Variants in TRIO observed in about 807,000 individuals in gnomAD.
TRIO encodes triple functional domain protein.
A neutral mutation model predicts 351.9 loss-of-function variants in TRIO; 58 were observed. The observed-to-expected ratio is 0.16, with a 90% confidence interval of 0.13 to 0.21. The LOEUF (loss-of-function observed/expected upper bound fraction) is 0.21. Ranked by LOEUF, TRIO falls within the 10% of genes least tolerant of loss-of-function variation. The pLI is 1.00. For missense variants in TRIO, 3,201 were observed against 4,027.8 expected (o/e 0.79, Z 5.56); for synonymous variants, 1,758 against 1,595.7 (o/e 1.10, Z -2.42).
chr5:14,267,544 G>A (rs1795754551), intron 1 of TRIO, among the ~76,000 whole-genome samples: 1 of 152,190 alleles, frequency 6.6e-6, no homozygotes. Flanking sequence ...TCTAGAATCT[G>A]TGGAATAGCA....
At position 14,487,981 on chromosome 5, in the gene TRIO, C is replaced by CG. The variant is rs1372405222; in HGVS notation, c.7357dup (p.Ala2453GlyfsTer72). The CG allele has an allele frequency of 6.4e-7, 1 of 1,556,372 alleles. No individual in the cohort carries two copies. Among genetic ancestry groups the CG allele is most frequent in the South Asian group, 1.2e-5 (1 of 84,622 alleles). On this transcript the variant is annotated frameshift_variant, in exon 48 of 57. Transcript: ENST00000344204. LOFTEE classifies it high-confidence loss of function. Reference sequence around the variant, plus strand: ...CCCTGCCGCTTGGGAAGCCCCGGGCCGGGGCCGCTTCGCCGCTGAACTCGC... The same window carrying CG: ...CCCTGCCGCTTGGGAAGCCCCGGGCCGGGGGCCGCTTCGCCGCTGAACTCGC...
intron 1 of TRIO, among the ~76,000 whole-genome samples, chr5:14,205,826 A>G (rs576348522): frequency 6.0e-5 from 9 of 150,918 alleles, no homozygotes; most frequent in African/African-American, 2.2e-4. Context: ...TCTGCCTCCT[A>G]TGTTTAAGCG....
chr5:14,462,931 G>A lies in TRIO; in HGVS notation c.5667+6G>A. 1.3e-6 allele frequency: 2 copies of A among 1,577,276 alleles called. No individual in the cohort carries two copies. The highest frequency in any genetic ancestry group is 1.7e-6 in the Non-Finnish European group (2 of 1,163,104). ...CAGACTCACAGGATGACAAGGTAAAGGGGGATGAGGGCTGGGGAATCCATG... is the reference window on the plus strand; with the variant it reads ...CAGACTCACAGGATGACAAGGTAAAAGGGGATGAGGGCTGGGGAATCCATG... On this transcript the variant is annotated splice_donor_region_variant and intron_variant, in intron 36 of 56. Transcript: ENST00000344204.
Position 14,181,067 on chromosome 5 carries a change from T to G in TRIO, c.157+37185T>G, listed in dbSNP as rs557077262. On this transcript the variant is annotated intron_variant, in intron 1 of 56. Coordinates refer to ENST00000344204, the MANE Select transcript of TRIO (RefSeq NM_007118.4). Reference sequence around the variant, plus strand: ...TTCCATTATATGGATTATAAAAAAATAACAATGGAATACTACAATGTATTT... The same window carrying G: ...TTCCATTATATGGATTATAAAAAAAGAACAATGGAATACTACAATGTATTT... Among the ~76,000 whole-genome samples, 4 of 143,984 alleles carry G rather than the reference T, an allele frequency of 2.8e-5. No individual in the cohort carries two copies. In the East Asian group the frequency reaches 8.3e-4, roughly 30 times the overall value. 94.5% of individuals were successfully genotyped at this position (143,984 alleles called of 152,430 possible).
intron 6 of TRIO, among the ~76,000 whole-genome samples, chr5:14,296,648 G>A (rs192436284): frequency 1.8e-3 from 280 of 152,324 alleles, no homozygotes; most frequent in African/African-American, 6.1e-3. Flanking sequence ...TGCTAGGTAC[G>A]TGTTTTTGGG....
At chr5:14,371,279 T>C (rs1169896666) in intron 18 of TRIO, among the ~76,000 whole-genome samples, 1 of 152,240 alleles carries the variant, frequency 6.6e-6, no homozygotes, top group Non-Finnish European at 1.5e-5. Context: ...AAGGAGCATC[T>C]GTAATCACAA....
chr5:14,489,902 C>T (rs922091219), intron 48 of TRIO, among the ~76,000 whole-genome samples: 1 of 152,164 alleles, frequency 6.6e-6, no homozygotes, highest in Non-Finnish European at 1.5e-5. Flanking sequence ...ACTTGCTGAA[C>T]AGGATTTCAG....
At chr5:14,443,833 ATCT>A (rs1429121245) in intron 34 of TRIO, among the ~76,000 whole-genome samples, 1 of 152,262 alleles carries the variant, frequency 6.6e-6, no homozygotes, top group African/African-American at 2.4e-5. Flanking sequence ...AGAACTGTAA[ATCT>A]TCTTTTATGA....
intron 1 of TRIO, 124 bp from the exon 2 acceptor site, chr5:14,270,701 A>G: frequency 2.8e-6 from 2 of 721,734 alleles, no homozygotes; most frequent in East Asian, 5.3e-5. Context: ...TGCTATGATC[A>G]TGTTTCTTAA....
At chr5:14,401,802 G>A (rs889148712) in intron 31 of TRIO, among the ~76,000 whole-genome samples, 6 of 152,172 alleles carry the variant, frequency 3.9e-5, no homozygotes, top group South Asian at 2.1e-4. Context: ...TGCCATCAGC[G>A]GCTTTGGGAT....
rs1757028585 is a variant in TRIO at position 14,498,248 on chromosome 5, A to G, written c.8207A>G (p.Tyr2736Cys). Residue 2736 changes from tyrosine to cysteine, a missense_variant, in exon 52 of 57, where the codon TAC (tyrosine) becomes TGC (cysteine). By Grantham distance (194) the Tyr-to-Cys change is radical. Coordinates refer to ENST00000344204, the MANE Select transcript of TRIO (RefSeq NM_007118.4). ...AACGATGGTCACTACAGCATCTCCT[A>G]CAGGTGAGGGAGGCCCACTCCTGGT... ...LNNDGHYSISYSDLGEATLKI... is the reference protein window; with the variant it reads ...LNNDGHYSISCSDLGEATLKI... 4.3e-6 allele frequency: 7 copies of G among 1,613,804 alleles called. No homozygotes were observed. Among genetic ancestry groups the G allele is most frequent in the African/African-American group, 1.3e-5 (1 of 74,910 alleles).
chr5:14,326,155 G>A (rs533543336), intron 9 of TRIO, among the ~76,000 whole-genome samples: 1 of 152,274 alleles, frequency 6.6e-6, no homozygotes, highest in Admixed American at 6.5e-5. Flanking sequence ...GATAGGGATC[G>A]CCCTACCCCT....
chr5:14,146,670 G>A (rs1426898391), intron 1 of TRIO, among the ~76,000 whole-genome samples: 1 of 152,240 alleles, frequency 6.6e-6, no homozygotes, highest in African/African-American at 2.4e-5. Context: ...TTTGGAGTTG[G>A]GCTCAGGGGA....
intron 1 of TRIO, among the ~76,000 whole-genome samples, chr5:14,264,855 A>T (rs1581480192): frequency 6.6e-6 from 1 of 152,214 alleles, no homozygotes; most frequent in East Asian, 1.9e-4. Context: ...GTGCCTGCCA[A>T]ACTGATGCAG....
intron 1 of TRIO, among the ~76,000 whole-genome samples, chr5:14,178,627 A>T (rs1789550417): frequency 6.6e-6 from 1 of 152,162 alleles, no homozygotes; most frequent in East Asian, 1.9e-4. Flanking sequence ...ATGTGTGATG[A>T]CTCGACCTAC....
At chr5:14,358,141 A>G (rs1561386476) in intron 11 of TRIO, 37 bp from the exon 12 acceptor site, 2 of 1,591,770 alleles carry the variant, frequency 1.3e-6, no homozygotes, top group East Asian at 2.3e-5. Flanking sequence ...TGGTGCAGCC[A>G]GGCCGGCCGG....
intron 28 of TRIO, among the ~76,000 whole-genome samples, chr5:14,396,431 A>G (rs1386859642): frequency 1.3e-4 from 11 of 82,936 alleles, no homozygotes; most frequent in African/African-American, 4.4e-4. Context: ...ATAATTAAAT[A>G]TTTCTATTTA....
intron 1 of TRIO, among the ~76,000 whole-genome samples, chr5:14,212,237 A>G (rs1791951649): frequency 6.6e-6 from 1 of 152,198 alleles, no homozygotes; most frequent in African/African-American, 2.4e-5. Flanking sequence ...AACAGGTGGC[A>G]TGGACAGCTT....
chr5:14,338,175 A>G (rs1265934874), intron 11 of TRIO, among the ~76,000 whole-genome samples: 1 of 152,130 alleles, frequency 6.6e-6, no homozygotes, highest in Non-Finnish European at 1.5e-5. Context: ...TCTTTGTCCC[A>G]GCCTCCCTGT....
Sources: allele counts gnomAD v4.1 joint callset (sites outside exome capture counted in the v4.1 genomes callset), GRCh38; gene constraint gnomAD v4.1.1; transcripts MANE v1.5; gene names NCBI Gene and HGNC (gene_info 2026-07-23, HGNC 2026-07-21).